OTUB2: variants seen among roughly 807,000 people sequenced by gnomAD.
OTUB2 encodes ubiquitin thioesterase OTUB2.
In OTUB2, 21 loss-of-function variants were observed where a neutral mutation model predicts 25.1. The observed-to-expected ratio is 0.84, with a 90% confidence interval of 0.59 to 1.21. The LOEUF is 1.21. OTUB2 is among the 50% of genes most tolerant of loss of function. OTUB2 has a pLI of 0.00. For missense variants in OTUB2, 283 were observed against 298.0 expected, an observed-to-expected ratio of 0.95 and a Z score of 0.37; for synonymous variants, 122 against 122.8, an observed-to-expected ratio of 0.99 and a Z score of 0.04.
intron 1 of OTUB2, among the ~76,000 whole-genome samples, chr14:94,030,707 C>T (rs1006315072): frequency 5.9e-5 from 9 of 152,018 alleles, no homozygotes; most frequent in South Asian, 2.1e-4. Flanking sequence ...ACTATGTTAC[C>T]GTGGCGAGAG....
intron 1 of OTUB2, among the ~76,000 whole-genome samples, chr14:94,034,740 C>T (rs567147641): frequency 6.6e-6 from 1 of 152,324 alleles, no homozygotes; most frequent in South Asian, 2.1e-4. Context: ...CTCACGCTCG[C>T]AGGATGGCTG....
At chr14:94,033,073 G>A (rs960210054) in intron 1 of OTUB2, among the ~76,000 whole-genome samples, 3 of 152,062 alleles carry the variant, frequency 2.0e-5, no homozygotes, top group East Asian at 1.9e-4. Context: ...CACCACACCC[G>A]GCTCATTTTT....
chr14:94,033,606 A>G (rs1035482754), intron 1 of OTUB2, among the ~76,000 whole-genome samples: 5 of 152,370 alleles, frequency 3.3e-5, no homozygotes, highest in Non-Finnish European at 5.9e-5. Flanking sequence ...GACCCAAGCC[A>G]TCATTTTAAG....
intron 1 of OTUB2, among the ~76,000 whole-genome samples, chr14:94,027,939 G>A (rs899840280): frequency 1.3e-5 from 2 of 152,256 alleles, no homozygotes; most frequent in African/African-American, 4.8e-5. Flanking sequence ...ACCAGGGAGT[G>A]GTGGAGCTGG....
chr14:94,026,840 GC>G, intron 1 of OTUB2, among the ~76,000 whole-genome samples: 1 of 152,294 alleles, frequency 6.6e-6, no homozygotes, highest in East Asian at 1.9e-4. Context: ...CTGGGTGGGC[GC>G]CCTCGACGGA....
chr14:94,043,841 G>A (rs1885208163), intron 3 of OTUB2, 130 bp from the exon 4 acceptor site: 7 of 796,490 alleles, frequency 8.8e-6, no homozygotes, highest in Admixed American at 5.3e-5. Flanking sequence ...GGGGGCAGGG[G>A]CGGGAGGTTC....
intron 1 of OTUB2, 62 bp from the exon 2 acceptor site, chr14:94,037,318 C>G: frequency 8.1e-7 from 1 of 1,229,838 alleles, no homozygotes; most frequent in Non-Finnish European, 1.2e-6. Flanking sequence ...GCCACCAGCT[C>G]GGGGAGTCCC....
intron 3 of OTUB2, chr14:94,039,369 C>G: frequency 2.3e-6 from 1 of 442,116 alleles, no homozygotes; most frequent in Non-Finnish European, 4.0e-6. Flanking sequence ...GCAGGTACTT[C>G]GTGACCCACT....
chr14:94,041,682 G>A (rs1423892540), intron 3 of OTUB2, among the ~76,000 whole-genome samples: 6 of 152,076 alleles, frequency 3.9e-5, no homozygotes, highest in Admixed American at 1.3e-4. Context: ...CTCCTGCCCC[G>A]TTGCCTACCC....
intron 1 of OTUB2, among the ~76,000 whole-genome samples, chr14:94,034,192 T>C: frequency 6.6e-6 from 1 of 152,210 alleles, no homozygotes; most frequent in East Asian, 1.9e-4. Flanking sequence ...CTGATGTATT[T>C]TACCACCGTG....
chr14:94,043,780 G>A (rs1007347958), intron 3 of OTUB2, among the ~76,000 whole-genome samples, 191 bp from the exon 4 acceptor site: 1 of 152,194 alleles, frequency 6.6e-6, no homozygotes, highest in African/African-American at 2.4e-5. Context: ...CAGCCACCAG[G>A]GCCCGGCAGG....
intron 3 of OTUB2, among the ~76,000 whole-genome samples, chr14:94,041,480 T>C (rs1418506613): frequency 1.3e-5 from 2 of 152,182 alleles, no homozygotes. Context: ...TATTTTTTCT[T>C]AAGAGATGGG....
At chr14:94,037,014 A>G (rs894881414) in intron 1 of OTUB2, among the ~76,000 whole-genome samples, 1 of 152,230 alleles carries the variant, frequency 6.6e-6, no homozygotes, top group African/African-American at 2.4e-5. Context: ...GAATGAACGA[A>G]TGAATGAATG....
At chr14:94,045,513 T>C (rs78055376) in intron 5 of OTUB2, among the ~76,000 whole-genome samples, 1 of 152,314 alleles carries the variant, frequency 6.6e-6, no homozygotes, top group African/African-American at 2.4e-5. Context: ...CTTGCAATTG[T>C]AGCGATTTCT....
At chr14:94,045,242 G>A (rs1023396230) in intron 5 of OTUB2, among the ~76,000 whole-genome samples, 1 of 152,070 alleles carries the variant, frequency 6.6e-6, no homozygotes, top group African/African-American at 2.4e-5. Context: ...CTCTATGTAG[G>A]ACATACGCCT....
intron 3 of OTUB2, among the ~76,000 whole-genome samples, chr14:94,041,394 A>G (rs767936874): frequency 1.1e-4 from 17 of 152,182 alleles, no homozygotes; most frequent in Non-Finnish European, 2.2e-4. Context: ...CACACAGGTG[A>G]TAAGTCAAAC....
intron 1 of OTUB2, among the ~76,000 whole-genome samples, chr14:94,029,845 C>T (rs60500606): frequency 2.4e-4 from 37 of 152,078 alleles, no homozygotes; most frequent in African/African-American, 7.0e-4. Context: ...GGTAAACAGG[C>T]GAGCCTATGA....
In OTUB2 at chr14:94,045,532, TGCC is replaced by T. The variant is rs386780163; in HGVS notation, c.499-183_499-181del. ...CAATTGTAGCGATTTCTAGCTATGC[TGCC>T]TCTCAATGAGGCTGTTTCCCGTGTG... On this transcript the variant is annotated intron_variant, in intron 5 of 5. Transcript: ENST00000203664. 6.7e-3 allele frequency among the ~76,000 whole-genome samples: 1,024 copies of T among 152,340 alleles called. 9 individuals are homozygous for T. The highest frequency in any genetic ancestry group is 0.023 in the African/African-American group (948 of 41,562).
At chr14:94,039,124 G>C in intron 3 of OTUB2, 43 bp downstream of exon 3, 1 of 1,472,312 alleles carries the variant, frequency 6.8e-7, no homozygotes, top group Non-Finnish European at 9.4e-7. Flanking sequence ...TGTGTTCTCT[G>C]TGCTAGGTCA....
Sources: gnomAD v4.1 joint callset for allele counts (sites outside exome capture counted in the v4.1 genomes callset) on GRCh38, gnomAD v4.1.1 for gene constraint, MANE v1.5 for transcripts, NCBI Gene and HGNC (gene_info 2026-07-23, HGNC 2026-07-21) for gene names.